Variants in TP53BP2 observed in about 807,000 individuals in gnomAD.
TP53BP2 encodes the protein apoptosis-stimulating of p53 protein 2.
A neutral mutation model predicts 126.2 loss-of-function variants in TP53BP2; 62 were observed. The ratio of observed to expected loss-of-function variants is 0.49; its 90% CI spans 0.40 to 0.61. The LOEUF is 0.61. Ranked by LOEUF, TP53BP2 falls within the 20% of genes least tolerant of loss-of-function variation. TP53BP2 has a pLI of 0.00. For synonymous variants in TP53BP2, 485 were observed against 502.9 expected, an observed-to-expected ratio of 0.96 and a Z score of 0.48; for missense variants, 1,215 against 1,402.8, an observed-to-expected ratio of 0.87 and a Z score of 2.14.
rs61749337 is a variant in TP53BP2 at position 223,804,257 on chromosome 1, G to C, written c.566C>G (p.Ala189Gly). ...TTTTAGCTTAGCTTCCTGATTCTCA[G>C]CTATTTCTTTTAGCCTTTTAAGTTT... Reference protein sequence around the residue: ...QEKLKRLKEIAENQEAKLKKV... With the variant: ...QEKLKRLKEIGENQEAKLKKV... Residue 189 changes from alanine (A) to glycine (G), a missense_variant, in exon 6 of 18, where the codon GCT becomes GGT. This residue lies in a region of TP53BP2 where 814 missense variants were observed against 853.0 expected (regional missense o/e 0.95). Coordinates refer to ENST00000343537, the MANE Select transcript of TP53BP2 (RefSeq NM_001031685.3). The C allele has an allele frequency of 4.3e-5, 70 of 1,613,938 alleles. No individual in the cohort carries two copies. Among genetic ancestry groups the C allele is most frequent in the Non-Finnish European group, 5.3e-5 (63 of 1,180,002 alleles).
chr1:223,829,124 T>C (rs1663607152), intron 1 of TP53BP2, among the ~76,000 whole-genome samples: 1 of 151,996 alleles, frequency 6.6e-6, no homozygotes, highest in Admixed American at 6.6e-5. Flanking sequence ...CCCAGGAATT[T>C]GAGAGCAGAC....
chr1:223,822,060 C>T (rs887937995), intron 1 of TP53BP2, among the ~76,000 whole-genome samples: 1 of 151,824 alleles, frequency 6.6e-6, no homozygotes, highest in Non-Finnish European at 1.5e-5. Flanking sequence ...CACCACACCA[C>T]GCCATGCCAC....
At chr1:223,803,532 A>G (rs940145022) in intron 6 of TP53BP2, 80 bp from the exon 7 acceptor site, 64 of 1,375,512 alleles carry the variant, frequency 4.7e-5, no homozygotes, top group Non-Finnish European at 5.8e-5. Context: ...GGGCTTTACA[A>G]TGAACTTTCT....
intron 16 of TP53BP2, among the ~76,000 whole-genome samples, chr1:223,786,083 A>C (rs1326782195): frequency 1.3e-5 from 2 of 152,192 alleles, no homozygotes; most frequent in Non-Finnish European, 2.9e-5. Context: ...AGTGAAAATA[A>C]ACTACAGCTA....
Position 223,843,507 on chromosome 1 carries a change from A to C in TP53BP2, c.27+2147T>G, listed in dbSNP as rs529228597. On this transcript the variant is annotated intron_variant, in intron 1 of 17. Coordinates refer to ENST00000343537, the MANE Select transcript of TP53BP2 (RefSeq NM_001031685.3). ...TTAATATAATGCAGTCTAAATAGTA[A>C]ACCATTATCTTCAGAATGCCTTTAA... is the stretch of plus-strand genomic sequence containing the variant. Among the ~76,000 whole-genome samples the C allele has an allele frequency of 3.3e-5, 5 of 152,302 alleles. No homozygotes were observed. In the East Asian group the frequency reaches 9.6e-4, roughly 29 times the overall value.
intron 8 of TP53BP2, 68 bp from the exon 9 acceptor site, chr1:223,802,412 A>C (rs1025130549): frequency 2.4e-5 from 34 of 1,441,716 alleles, no homozygotes; most frequent in Non-Finnish European, 3.0e-5. Context: ...AGAAACTAAG[A>C]TGTGACATTT....
intron 1 of TP53BP2, chr1:223,845,131 C>T: frequency 1.8e-6 from 1 of 546,828 alleles, no homozygotes; most frequent in Non-Finnish European, 2.3e-6. Flanking sequence ...CTAAAACTTC[C>T]GAGATTGCAT....
chr1:223,786,289 G>C (rs1661951092), intron 16 of TP53BP2, among the ~76,000 whole-genome samples: 1 of 152,188 alleles, frequency 6.6e-6, no homozygotes, highest in Non-Finnish European at 1.5e-5. Flanking sequence ...ACAGACGTGA[G>C]AAGGGGCCAC....
rs1432640333 is a variant in TP53BP2, at chr1:223,782,637, G to A, written c.3363+1478C>T. ...AGCTGGGATTATAGTATTTTTAGTAGAGACAGGGTTTCACCATGTTGGCCA... is the reference window on the plus strand; with the variant it reads ...AGCTGGGATTATAGTATTTTTAGTAAAGACAGGGTTTCACCATGTTGGCCA... On this transcript the variant is annotated intron_variant, in intron 17 of 17. Coordinates refer to ENST00000343537, the MANE Select transcript of TP53BP2 (RefSeq NM_001031685.3). 2.6e-5 allele frequency among the ~76,000 whole-genome samples: 4 copies of A among 152,186 alleles called. No individual in the cohort carries two copies. In the East Asian group the frequency reaches 7.7e-4, roughly 29 times the overall value.
At chr1:223,817,630 TATGTGATAATTTAAAAATAATGTGGTGGC>T (rs1663133582) in intron 2 of TP53BP2, among the ~76,000 whole-genome samples, 1 of 152,078 alleles carries the variant, frequency 6.6e-6, no homozygotes, top group East Asian at 1.9e-4. Context: ...TGGGGGAAAT[TATGTGATAATTTAAAAATAATGTGGTGGC>T]TCATGTCTGT....
chr1:223,794,665 G>A (rs1056497915), intron 13 of TP53BP2, among the ~76,000 whole-genome samples: 3 of 152,192 alleles, frequency 2.0e-5, no homozygotes, highest in Non-Finnish European at 4.4e-5. Context: ...ATTGGTTTTG[G>A]CCAATGTGGA....
At chr1:223,839,275 T>G (rs1184880867) in intron 1 of TP53BP2, among the ~76,000 whole-genome samples, 1 of 152,158 alleles carries the variant, frequency 6.6e-6, no homozygotes, top group Non-Finnish European at 1.5e-5. Flanking sequence ...CCTTATCTGT[T>G]GAATGAGAGT....
intron 2 of TP53BP2, among the ~76,000 whole-genome samples, chr1:223,819,100 C>T (rs1051168329): frequency 3.3e-5 from 5 of 151,406 alleles, no homozygotes; most frequent in Admixed American, 3.3e-4. Context: ...AGGAGAATTG[C>T]TTGAACCCAG....
At chr1:223,784,093 C>T (rs760419275) in intron 17 of TP53BP2, 22 bp downstream of exon 17, 5 of 1,610,990 alleles carry the variant, frequency 3.1e-6, no homozygotes, top group African/African-American at 1.3e-5. Context: ...ATGAAAACAC[C>T]GTAAGCGTCA....
rs192865249 is a variant in TP53BP2, at chr1:223,825,547, G to A, written c.28-4180C>T. Among the ~76,000 whole-genome samples the A allele has an allele frequency of 2.2e-3, 334 of 152,286 alleles. 6 individuals are homozygous for A. Among genetic ancestry groups the A allele is most frequent in the Admixed American group, 0.014 (217 of 15,290 alleles). On this transcript the variant is annotated intron_variant, in intron 1 of 17. Coordinates refer to ENST00000343537, the MANE Select transcript of TP53BP2 (RefSeq NM_001031685.3). ...ACTGCTAAACGGTATGGCATGTAGCGTGTAGCACAGCTATATACTCTCAAA... is the reference window on the plus strand; with the variant it reads ...ACTGCTAAACGGTATGGCATGTAGCATGTAGCACAGCTATATACTCTCAAA...
chr1:223,801,686 C>T (rs1662529750), intron 9 of TP53BP2, among the ~76,000 whole-genome samples: 1 of 152,186 alleles, frequency 6.6e-6, no homozygotes, highest in Non-Finnish European at 1.5e-5. Context: ...CAAATTCTCA[C>T]ATGTAAGCAG....
chr1:223,796,339 C>T lies in TP53BP2; in HGVS notation c.2200G>A (p.Ala734Thr). The T allele has an allele frequency of 6.2e-7, 1 of 1,614,106 alleles. No individual in the cohort carries two copies. The highest frequency in any genetic ancestry group is 1.6e-4 in the Middle Eastern group (1 of 6,062). Residue 734 changes from alanine to threonine, a missense_variant, in exon 13 of 18, where the codon GCA (alanine) becomes ACA (threonine). Physicochemically the swap from Ala to Thr is moderately conservative, Grantham distance 58. Transcript: ENST00000343537. This position sits in a 1 kb window ranked among gnomAD's most constrained non-coding sequence, Gnocchi z 4.2. Reference sequence around the variant, plus strand: ...CTACGTTTCTTTAGAGGCCTTGGTGCGTTAGACAGTTTCTTTCGTAAGGCT... The same window carrying T: ...CTACGTTTCTTTAGAGGCCTTGGTGTGTTAGACAGTTTCTTTCGTAAGGCT... ...LEALRKKLSNAPRPLKKRSSI... is the reference protein window; with the variant it reads ...LEALRKKLSNTPRPLKKRSSI...
At chr1:223,825,247 A>G (rs1178971985) in intron 1 of TP53BP2, among the ~76,000 whole-genome samples, 2 of 152,214 alleles carry the variant, frequency 1.3e-5, no homozygotes, top group African/African-American at 4.8e-5. Context: ...ACAAGTACAC[A>G]CTAAGTATTA....
At chr1:223,800,094 G>A (rs762078073) in intron 10 of TP53BP2, 47 bp from the exon 11 acceptor site, 1 of 1,528,758 alleles carries the variant, frequency 6.5e-7, no homozygotes, top group Non-Finnish European at 8.8e-7. Context: ...TTAGAATAAA[G>A]TATCTCATTC....
Sources: allele counts gnomAD v4.1 joint callset (sites outside exome capture counted in the v4.1 genomes callset), GRCh38; gene constraint gnomAD v4.1.1; regional missense constraint gnomAD v4.1.1; non-coding constraint Gnocchi (gnomAD v3.1); transcripts MANE v1.5; gene names NCBI Gene and HGNC (gene_info 2026-07-23, HGNC 2026-07-21).